HSD17B6: variants seen among roughly 807,000 people sequenced by gnomAD.
HSD17B6 encodes the protein 17-beta-hydroxysteroid dehydrogenase type 6.
In HSD17B6, 16 loss-of-function variants were observed where a neutral mutation model predicts 26.4. The ratio of observed to expected loss-of-function variants is 0.61; its 90% confidence interval spans 0.41 to 0.92. The LOEUF (loss-of-function observed/expected upper bound fraction) is 0.92. Among genes scored for constraint, HSD17B6 ranks in the 40% least tolerant of loss-of-function variants. HSD17B6 has a pLI of 0.00. For synonymous variants in HSD17B6, 139 were observed against 153.0 expected (o/e 0.91, Z 0.68); for missense variants, 357 against 386.1 (o/e 0.92, Z 0.63).
At chr12:56,787,005 A>T (rs1592379907) in intron 4 of HSD17B6, 120 bp from the exon 5 acceptor site, 1 of 720,206 alleles carries the variant, frequency 1.4e-6, no homozygotes, top group East Asian at 2.7e-5. Flanking sequence ...TCATATTGGG[A>T]TGCACATTCT....
At position 56,782,423 on chromosome 12, in the gene HSD17B6, A is replaced by G. The variant is rs573351878; in HGVS notation, c.572+191A>G. The stretch of plus-strand genomic sequence containing the variant: ...CCCAGAGTTCACCTACCATAGCCAG[A>G]ATTTGGCCGAACTGTGTTTTGACCC... On this transcript the variant is annotated intron_variant, in intron 3 of 4. Transcript: ENST00000322165. Among the ~76,000 whole-genome samples, 21 of 152,320 alleles carry G rather than the reference A, an allele frequency of 1.4e-4. No homozygotes were observed. In the South Asian group the frequency reaches 4.4e-3, roughly 32 times the overall value.
intron 1 of HSD17B6, among the ~76,000 whole-genome samples, chr12:56,766,678 C>T (rs1954337057): frequency 1.3e-5 from 2 of 152,148 alleles, no homozygotes; most frequent in Non-Finnish European, 1.5e-5. Flanking sequence ...ATTAACCAGA[C>T]AGCCCTATGT....
At chr12:56,768,049 C>T (rs1231129270) in intron 1 of HSD17B6, among the ~76,000 whole-genome samples, 2 of 151,774 alleles carry the variant, frequency 1.3e-5, no homozygotes, top group East Asian at 1.9e-4. Flanking sequence ...CTATTATTAT[C>T]GTGTGTCAAG....
intron 2 of HSD17B6, among the ~76,000 whole-genome samples, chr12:56,777,423 G>A (rs935227710): frequency 1.3e-5 from 2 of 148,596 alleles, no homozygotes; most frequent in East Asian, 2.0e-4. Flanking sequence ...GGCGTGCAAC[G>A]GCATGATCTC....
intron 3 of HSD17B6, among the ~76,000 whole-genome samples, chr12:56,783,098 CT>C (rs1166679984): frequency 2.6e-5 from 4 of 152,262 alleles, no homozygotes; most frequent in South Asian, 2.1e-4. Context: ...ACCTTGCCCC[CT>C]TTTCTATTCC....
At chr12:56,769,247 C>T (rs1275609975) in intron 1 of HSD17B6, among the ~76,000 whole-genome samples, 1 of 151,988 alleles carries the variant, frequency 6.6e-6, no homozygotes, top group Non-Finnish European at 1.5e-5. Context: ...GGACTACAGG[C>T]ACTGCCACCA....
At chr12:56,771,584 A>G (rs1436485994) in intron 1 of HSD17B6, among the ~76,000 whole-genome samples, 4 of 149,330 alleles carry the variant, frequency 2.7e-5, no homozygotes, top group African/African-American at 1.0e-4. Context: ...TCAGCCTCCC[A>G]AGTAGCTGGG....
At chr12:56,771,440 G>C (rs1954470082) in intron 1 of HSD17B6, among the ~76,000 whole-genome samples, 1 of 146,944 alleles carries the variant, frequency 6.8e-6, no homozygotes, top group African/African-American at 2.5e-5. Context: ...TGCTCGGCAA[G>C]GGTTGCAATT....
At position 56,772,427 on chromosome 12, in the gene HSD17B6, G is replaced by C. The variant is rs552761933; in HGVS notation, c.-19-1407G>C. Among the ~76,000 whole-genome samples, 4 of 152,216 alleles carry C rather than the reference G, an allele frequency of 2.6e-5. No individual in the cohort carries two copies. In the South Asian group the frequency reaches 6.2e-4, roughly 24 times the overall value. Reference sequence around the variant, plus strand: ...ATGAGTGTTATGGCTGGGTGTGGTGGCTCATGCCTGTAATCCCAGCATTTT... The same window carrying C: ...ATGAGTGTTATGGCTGGGTGTGGTGCCTCATGCCTGTAATCCCAGCATTTT... On this transcript the variant is annotated intron_variant, in intron 1 of 4. Coordinates refer to ENST00000322165, the MANE Select transcript of HSD17B6 (RefSeq NM_003725.4).
chr12:56,774,122 C>T lies in HSD17B6; in HGVS notation c.270C>T (p.Ile90=), dbSNP rs368361992. ...TGGATGTTACCAAGATGGAGAGCAT[C>T]GCTGCAGCTACTCAGTGGGTGAAGG... ...VTLDVTKMES[I]AAATQWVKEH... The change falls in exon 2 of 5, where the codon ATC becomes ATT. Residue 90 remains isoleucine (I), a synonymous_variant. Coordinates refer to ENST00000322165, the MANE Select transcript of HSD17B6 (RefSeq NM_003725.4). 3.6e-5 allele frequency: 58 copies of T among 1,599,888 alleles called. No homozygotes were observed. The highest frequency in any genetic ancestry group is 1.7e-4 in the African/African-American group (13 of 74,824).
chr12:56,785,556 C>G (rs76812133), intron 4 of HSD17B6, among the ~76,000 whole-genome samples: 1 of 152,164 alleles, frequency 6.6e-6, no homozygotes, highest in Non-Finnish European at 1.5e-5. Flanking sequence ...TGATGACTAT[C>G]ATGGTTGAGG....
chr12:56,774,236 G>T (rs57682836), intron 2 of HSD17B6, 71 bp downstream of exon 2: 54,971 of 1,386,998 alleles, frequency 0.04, 2,110 homozygotes, highest in African/African-American at 0.19. Context: ...TTGTTCCTTG[G>T]TGTCTCCTGG....
At chr12:56,771,805 C>T (rs1240721163) in intron 1 of HSD17B6, among the ~76,000 whole-genome samples, 5 of 152,000 alleles carry the variant, frequency 3.3e-5, no homozygotes, top group African/African-American at 1.2e-4. Flanking sequence ...GGCTTTGTGT[C>T]GCTACCCAAA....
chr12:56,775,432 C>G (rs551569324), intron 2 of HSD17B6, among the ~76,000 whole-genome samples: 2 of 152,034 alleles, frequency 1.3e-5, no homozygotes, highest in African/African-American at 4.8e-5. Flanking sequence ...TGGTATATTG[C>G]CCAGGCTAAG....
intron 2 of HSD17B6, 27 bp downstream of exon 2, chr12:56,774,192 A>C: frequency 6.6e-7 from 1 of 1,523,390 alleles, no homozygotes; most frequent in Non-Finnish European, 8.8e-7. Flanking sequence ...CCTTTTATTT[A>C]CTTAGCATGA....
At chr12:56,782,303 C>T (rs550777376) in intron 3 of HSD17B6, 71 bp downstream of exon 3, 104 of 1,424,770 alleles carry the variant, frequency 7.3e-5, no homozygotes, top group Admixed American at 3.1e-4. Flanking sequence ...TAGTTGCTTT[C>T]GCCTATCTTA....
intron 2 of HSD17B6, 108 bp from the exon 3 acceptor site, chr12:56,781,866 G>A (rs1592372250): frequency 9.1e-7 from 1 of 1,095,286 alleles, no homozygotes; most frequent in Middle Eastern, 2.1e-4. Flanking sequence ...TCTCATGGGG[G>A]TGGTTAGTGG....
At chr12:56,780,773 C>T (rs1032437408) in intron 2 of HSD17B6, among the ~76,000 whole-genome samples, 1 of 135,490 alleles carries the variant, frequency 7.4e-6, no homozygotes, top group South Asian at 2.5e-4. Context: ...GGGGTGAACC[C>T]GGGGGGTGGA....
intron 1 of HSD17B6, chr12:56,770,602 A>G (rs2137902058): frequency 6.6e-6 from 1 of 152,086 alleles, no homozygotes; most frequent in East Asian, 1.9e-4. Flanking sequence ...GTATAACTTA[A>G]TTTATCTAAC....
Sources: gnomAD v4.1 joint callset for allele counts (sites outside exome capture counted in the v4.1 genomes callset) on GRCh38, gnomAD v4.1.1 for gene constraint, MANE v1.5 for transcripts, NCBI Gene and HGNC (gene_info 2026-07-23, HGNC 2026-07-21) for gene names.